The following ZNF813 variants were observed in gnomAD, a reference collection of about 807,000 sequenced individuals.
The protein encoded by ZNF813 is zinc finger protein 813.
Under a neutral mutation model 7.2 loss-of-function variants are expected in ZNF813, and 3 were observed. The observed-to-expected ratio is 0.42, with a 90% CI of 0.19 to 1.08. The LOEUF (loss-of-function observed/expected upper bound fraction) is 1.08, where lower values mean the gene tolerates loss of function less well. ZNF813 is among the 50% of genes least tolerant of loss of function. The pLI, the probability that ZNF813 is intolerant of heterozygous loss-of-function variation, is 0.30. For synonymous variants in ZNF813, 227 were observed against 256.3 expected, an observed-to-expected ratio of 0.89 and a Z score of 1.09; for missense variants, 714 against 753.3, an observed-to-expected ratio of 0.95 and a Z score of 0.61.
intron 1 of ZNF813, among the ~76,000 whole-genome samples, chr19:53,475,112 T>A (rs1208757644): frequency 1.3e-5 from 2 of 152,234 alleles, no homozygotes; most frequent in African/African-American, 4.8e-5. Flanking sequence ...TGTACTTTAT[T>A]TCTTGCCTCT....
intron 1 of ZNF813, among the ~76,000 whole-genome samples, chr19:53,471,536 G>C (rs1409870404): frequency 1.3e-5 from 2 of 152,288 alleles, no homozygotes; most frequent in South Asian, 4.1e-4. Flanking sequence ...AAGGCTGGGT[G>C]CGGTGGCTCA....
intron 1 of ZNF813, among the ~76,000 whole-genome samples, chr19:53,477,120 G>A (rs1468195012): frequency 6.6e-6 from 1 of 152,194 alleles, no homozygotes; most frequent in Non-Finnish European, 1.5e-5. Context: ...AGCACTTGCT[G>A]GAGTCCTATC....
In ZNF813 at chr19:53,490,496, G is replaced by A; in HGVS notation, c.264G>A (p.Gln88=). Residue 88 remains glutamine, a synonymous_variant, in exon 4 of 4, where the codon CAG becomes CAA. Transcript: ENST00000396403. ...ESHHTGDFRF[Q]EIDKDIHNLE... The stretch of plus-strand genomic sequence containing the variant: ...ATCACACTGGAGACTTTCGCTTTCA[G>A]GAAATTGATAAAGATATTCATAACT... 1.9e-6 allele frequency: 3 copies of A among 1,614,110 alleles called. No individual in the cohort carries two copies. The highest frequency in any genetic ancestry group is 2.5e-6 in the Non-Finnish European group (3 of 1,180,032).
intron 1 of ZNF813, among the ~76,000 whole-genome samples, chr19:53,480,378 A>C (rs920400781): frequency 9.9e-5 from 15 of 152,234 alleles, no homozygotes; most frequent in Admixed American, 4.6e-4. Context: ...AAAAAAAAAA[A>C]AAACATAATT....
chr19:53,470,254 CGTTAT>C (rs1323328296), intron 1 of ZNF813, among the ~76,000 whole-genome samples: 3 of 152,164 alleles, frequency 2.0e-5, no homozygotes, highest in African/African-American at 7.2e-5. Context: ...TCGCAAACAG[CGTTAT>C]GTTATAACTG....
intron 1 of ZNF813, among the ~76,000 whole-genome samples, chr19:53,477,767 G>A (rs974951298): frequency 1.3e-5 from 2 of 152,160 alleles, no homozygotes; most frequent in Non-Finnish European, 2.9e-5. Context: ...GCTGCAGTGA[G>A]CCGAGATCAT....
chr19:53,480,805 G>A (rs1292320596), intron 1 of ZNF813, among the ~76,000 whole-genome samples: 1 of 152,176 alleles, frequency 6.6e-6, no homozygotes, highest in Non-Finnish European at 1.5e-5. Context: ...GTTGAAAGAT[G>A]GGTTGGATTG....
At chr19:53,478,947 G>GT (rs140471635) in intron 1 of ZNF813, among the ~76,000 whole-genome samples, 44,894 of 142,316 alleles carry the variant, frequency 0.32, 7,005 homozygotes, top group East Asian at 0.43. Context: ...TGTTTTTTGT[G>GT]TTTTTTTGGC....
chr19:53,474,721 G>A (rs1311107522), intron 1 of ZNF813, among the ~76,000 whole-genome samples: 1 of 151,902 alleles, frequency 6.6e-6, no homozygotes, highest in African/African-American at 2.4e-5. Flanking sequence ...CTTTCATAAC[G>A]TTGCTAATGC....
intron 1 of ZNF813, among the ~76,000 whole-genome samples, chr19:53,482,518 C>G (rs73597369): frequency 2.2e-4 from 34 of 152,250 alleles, no homozygotes; most frequent in African/African-American, 7.5e-4. Flanking sequence ...CTTCCTGTCT[C>G]TGGTCATTGT....
intron 1 of ZNF813, among the ~76,000 whole-genome samples, chr19:53,470,177 CTTT>C (rs2086351145): frequency 1.7e-5 from 2 of 116,768 alleles, no homozygotes; most frequent in African/African-American, 6.4e-5. Flanking sequence ...TCTTTTCTTT[CTTT>C]CTTTCTTTCA....
At chr19:53,482,651 GTCTC>G (rs2086413799) in intron 1 of ZNF813, among the ~76,000 whole-genome samples, 1 of 146,942 alleles carries the variant, frequency 6.8e-6, no homozygotes, top group Admixed American at 6.8e-5. Flanking sequence ...CTGCCCGTCA[GTCTC>G]TATCACGTTA....
rs1317865225 is a variant in ZNF813 at position 53,490,670 on chromosome 19, G to A, written c.438G>A (p.Ser146=). The change falls in exon 4 of 4, where the codon TCG becomes TCA. Residue 146 remains serine, a synonymous_variant. Transcript: ENST00000396403. ...IKDQLGSSFH[S]HLPELHMFQT... is the part of the protein sequence containing the mutation. ...ATCAGCTTGGATCAAGCTTTCATTC[G>A]CATCTGCCTGAACTCCACATGTTTC... 10 of 1,614,110 alleles carry A rather than the reference G, an allele frequency of 6.2e-6. No individual in the cohort carries two copies. The highest frequency in any genetic ancestry group is 1.1e-5 in the South Asian group (1 of 91,084).
chr19:53,472,138 T>C (rs930911641), intron 1 of ZNF813, among the ~76,000 whole-genome samples: 1 of 152,130 alleles, frequency 6.6e-6, no homozygotes, highest in African/African-American at 2.4e-5. Flanking sequence ...TGGAGACATG[T>C]ATGGGGTAAC....
chr19:53,478,295 G>T (rs2086391182), intron 1 of ZNF813, among the ~76,000 whole-genome samples: 2 of 152,030 alleles, frequency 1.3e-5, no homozygotes, highest in African/African-American at 4.8e-5. Flanking sequence ...TCAGCTTCCT[G>T]TGTAGCTGGG....
At position 53,492,113 on chromosome 19, in the gene ZNF813, A is replaced by T; in HGVS notation, c.*27A>T. The T allele has an allele frequency of 6.3e-7, 1 of 1,594,026 alleles. No individual in the cohort carries two copies. Among genetic ancestry groups the T allele is most frequent in the East Asian group, 2.3e-5 (1 of 44,270 alleles). ...AAGCAAAGCTTGCACATCATCATAC[A>T]ATTCATACTGGAAAGAAACAAGTGC... On this transcript the variant is annotated 3_prime_UTR_variant, in exon 4 of 4. Coordinates refer to ENST00000396403, the MANE Select transcript of ZNF813 (RefSeq NM_001004301.4).
intron 1 of ZNF813, among the ~76,000 whole-genome samples, chr19:53,480,635 G>C (rs192407661): frequency 6.6e-6 from 1 of 152,096 alleles, no homozygotes; most frequent in African/African-American, 2.4e-5. Flanking sequence ...GTGCCTACCT[G>C]GTAAAGATGT....
chr19:53,474,289 G>C (rs1247743364), intron 1 of ZNF813, among the ~76,000 whole-genome samples: 1 of 152,204 alleles, frequency 6.6e-6, no homozygotes, highest in Non-Finnish European at 1.5e-5. Context: ...CCTGCTTCTT[G>C]AATTCTTGGG....
intron 1 of ZNF813, chr19:53,479,340 G>A (rs1395527372): frequency 6.3e-7 from 1 of 1,590,280 alleles, no homozygotes; most frequent in Non-Finnish European, 8.5e-7. Flanking sequence ...GCAGTAGCTG[G>A]GTGGGCACCA....
Sources: gnomAD v4.1 joint callset for allele counts (sites outside exome capture counted in the v4.1 genomes callset) on GRCh38, gnomAD v4.1.1 for gene constraint, MANE v1.5 for transcripts, NCBI Gene and HGNC (gene_info 2026-07-23, HGNC 2026-07-21) for gene names.